UBR2: variants seen among roughly 807,000 people sequenced by gnomAD.
UBR2 encodes ubiquitin protein ligase E3 component n-recognin 2.
Under a neutral mutation model 247.9 loss-of-function variants are expected in UBR2, and 92 were observed. That is an observed-to-expected ratio of 0.37 (90% CI 0.31 to 0.44). UBR2 has a LOEUF of 0.44. UBR2 is among the 20% of genes least tolerant of loss of function. The probability of loss-of-function intolerance (pLI) is 1.00; values close to 1 mark genes in which losing one functional copy is unlikely to be tolerated. For missense variants in UBR2, 1,613 were observed against 2,112.6 expected, an observed-to-expected ratio of 0.76 and a Z score of 4.64; for synonymous variants, 672 against 693.5, an observed-to-expected ratio of 0.97 and a Z score of 0.49.
intron 5 of UBR2, among the ~76,000 whole-genome samples, chr6:42,605,325 G>A (rs1793632817): frequency 6.6e-6 from 1 of 152,112 alleles, no homozygotes; most frequent in African/African-American, 2.4e-5. Context: ...AGCACCCAAA[G>A]CCCCAGTCTT....
chr6:42,666,444 T>A (rs543395406), intron 34 of UBR2, among the ~76,000 whole-genome samples, 199 bp downstream of exon 34: 2 of 152,248 alleles, frequency 1.3e-5, no homozygotes, highest in South Asian at 4.1e-4. Context: ...GAGCCTTCAT[T>A]GCACCACTAC....
chr6:42,636,964 A>T, intron 14 of UBR2, 47 bp from the exon 15 acceptor site: 5 of 1,580,042 alleles, frequency 3.2e-6, no homozygotes, highest in Non-Finnish European at 4.3e-6. Flanking sequence ...TCAATGTTGT[A>T]AAAACTCAAC....
At chr6:42,640,294 G>A (rs1166805462) in intron 16 of UBR2, 24 bp downstream of exon 16, 5 of 1,562,728 alleles carry the variant, frequency 3.2e-6, no homozygotes, top group Non-Finnish European at 4.3e-6. Flanking sequence ...ACATTTAAAA[G>A]TGAATACTTA....
At chr6:42,670,534 G>T in intron 35 of UBR2, 126 bp from the exon 36 acceptor site, 1 of 738,444 alleles carries the variant, frequency 1.4e-6, no homozygotes, top group South Asian at 2.4e-5. Flanking sequence ...AAATGACTTT[G>T]AAGATTCTGA....
chr6:42,621,142 C>A (rs1016520945), intron 11 of UBR2, among the ~76,000 whole-genome samples: 2 of 152,162 alleles, frequency 1.3e-5, no homozygotes, highest in Non-Finnish European at 2.9e-5. Context: ...TATTCTCCCA[C>A]GTTTTCTAAA....
intron 4 of UBR2, 106 bp downstream of exon 4, chr6:42,594,410 T>C: frequency 1.3e-6 from 1 of 787,738 alleles, no homozygotes; most frequent in Non-Finnish European, 2.0e-6. Flanking sequence ...CTTCCACTAT[T>C]GACAGTGACT....
At chr6:42,667,597 T>G in intron 34 of UBR2, among the ~76,000 whole-genome samples, 1 of 143,634 alleles carries the variant, frequency 7.0e-6, no homozygotes, top group Non-Finnish European at 1.5e-5. Context: ...CTTTTTTTTT[T>G]TTTTTTTTTT....
At position 42,659,643 on chromosome 6, in the gene UBR2, C is replaced by T. The variant is rs1179356707; in HGVS notation, c.3243-13C>T. On this transcript the variant is annotated splice_polypyrimidine_tract_variant and intron_variant, in intron 29 of 46. Coordinates refer to ENST00000372901, the MANE Select transcript of UBR2 (RefSeq NM_001363705.2). The surrounding 1 kb of genome is among the most constrained non-coding windows in gnomAD (Gnocchi z 4.3). ...TGGGATCATTAATTATATTCATAAC[C>T]TTTGTATTGCAGCCCTGTGGCTTCA... 6.2e-7 allele frequency: 1 copy of T among 1,609,382 alleles called. No homozygotes were observed. Among genetic ancestry groups the T allele is most frequent in the Non-Finnish European group, 8.5e-7 (1 of 1,177,474 alleles).
intron 36 of UBR2, among the ~76,000 whole-genome samples, chr6:42,673,305 C>T (rs1798548086): frequency 6.6e-6 from 1 of 152,150 alleles, no homozygotes; most frequent in South Asian, 2.1e-4. Context: ...TAGAGAAATA[C>T]TGCATCCGCA....
At chr6:42,690,670 G>T (rs1262620400) in intron 46 of UBR2, among the ~76,000 whole-genome samples, 1 of 151,890 alleles carries the variant, frequency 6.6e-6, no homozygotes, top group African/African-American at 2.4e-5. Flanking sequence ...CTTCTTTTGT[G>T]TTCTCCTCTG....
At chr6:42,646,435 T>C (rs1328557212) in intron 21 of UBR2, among the ~76,000 whole-genome samples, 1 of 152,218 alleles carries the variant, frequency 6.6e-6, no homozygotes, top group Non-Finnish European at 1.5e-5. Context: ...TGGTTTCATC[T>C]ATACCCAACC....
chr6:42,596,507 G>A (rs1792986864), intron 4 of UBR2, among the ~76,000 whole-genome samples: 2 of 152,016 alleles, frequency 1.3e-5, no homozygotes, highest in South Asian at 2.1e-4. Context: ...ACTGAAAACC[G>A]AAGTTGAGCA....
At chr6:42,671,767 G>A (rs968985367) in intron 36 of UBR2, among the ~76,000 whole-genome samples, 1 of 152,048 alleles carries the variant, frequency 6.6e-6, no homozygotes. Context: ...CCATCCTGCA[G>A]TTGTCATTTT....
chr6:42,660,567 C>A (rs1293756023), intron 30 of UBR2, among the ~76,000 whole-genome samples: 1 of 152,068 alleles, frequency 6.6e-6, no homozygotes, highest in Non-Finnish European at 1.5e-5. Flanking sequence ...CACACTGCAG[C>A]GTGAAAGGAG....
At chr6:42,627,046 A>G (rs1795391932) in intron 11 of UBR2, among the ~76,000 whole-genome samples, 1 of 152,200 alleles carries the variant, frequency 6.6e-6, no homozygotes, top group Non-Finnish European at 1.5e-5. Context: ...CAAGTGGGAG[A>G]CCAAAGCTTT....
rs1002541190 is a variant in UBR2, at chr6:42,640,403, T to G, written c.1920+133T>G. 8.6e-6 allele frequency: 4 copies of G among 464,648 alleles called. No individual in the cohort carries two copies. In the East Asian group the frequency reaches 1.3e-4, roughly 15 times the overall value. The allele number at this position is 464,648 out of a possible 1,614,324, so 28.8% of individuals were successfully genotyped here. On this transcript the variant is annotated intron_variant, in intron 16 of 46. Transcript: ENST00000372901. Reference sequence around the variant, plus strand: ...AGTAAGGTGTGTGTGTGTGTGTGTGTGTGTGTGTGTGTGTGTGTGTGTGTG... The same window carrying G: ...AGTAAGGTGTGTGTGTGTGTGTGTGGGTGTGTGTGTGTGTGTGTGTGTGTG...
chr6:42,657,368 A>G lies in UBR2; in HGVS notation c.2873-656A>G, dbSNP rs565885752. Among the ~76,000 whole-genome samples the G allele has an allele frequency of 5.5e-4, 84 of 152,350 alleles. 2 individuals are homozygous for G. In the South Asian group the frequency reaches 0.017, roughly 31 times the overall value. ...TAATTAAGACACACGATTTATTTCCAAAGAAACCTCTCCCTTATCTAGAGT... is the reference window on the plus strand; with the variant it reads ...TAATTAAGACACACGATTTATTTCCGAAGAAACCTCTCCCTTATCTAGAGT... On this transcript the variant is annotated intron_variant, in intron 26 of 46. Coordinates refer to ENST00000372901, the MANE Select transcript of UBR2 (RefSeq NM_001363705.2).
chr6:42,589,782 G>A (rs547678995), intron 2 of UBR2, among the ~76,000 whole-genome samples: 4 of 152,108 alleles, frequency 2.6e-5, no homozygotes, highest in South Asian at 4.1e-4. Context: ...CCTTTTCAAC[G>A]TTTTAAAGAT....
intron 2 of UBR2, among the ~76,000 whole-genome samples, chr6:42,575,325 T>C (rs1278086593): frequency 6.6e-6 from 1 of 152,164 alleles, no homozygotes; most frequent in Non-Finnish European, 1.5e-5. Flanking sequence ...GAGAACAGTA[T>C]ATATATTGAA....
Sources: gnomAD v4.1 joint callset for allele counts (sites outside exome capture counted in the v4.1 genomes callset) on GRCh38, gnomAD v4.1.1 for gene constraint, Gnocchi (gnomAD v3.1) non-coding constraint, MANE v1.5 for transcripts, NCBI Gene and HGNC (gene_info 2026-07-23, HGNC 2026-07-21) for gene names.